LRCH2: variants seen among roughly 807,000 people sequenced by gnomAD.
LRCH2 encodes leucine rich repeats and calponin homology domain containing 2, also known as leucine-rich repeat and calponin homology domain-containing protein 2.
In LRCH2, 38 loss-of-function variants were observed where a neutral mutation model predicts 68.9. That is an observed-to-expected ratio of 0.55 (90% CI 0.43 to 0.72). The LOEUF (loss-of-function observed/expected upper bound fraction) is 0.72, where lower values mean the gene tolerates loss of function less well. LRCH2 is among the 30% of genes least tolerant of loss of function. LRCH2 has a pLI of 0.00. For synonymous variants in LRCH2, 191 were observed against 208.1 expected, an observed-to-expected ratio of 0.92 and a Z score of 0.71; for missense variants, 528 against 572.9, an observed-to-expected ratio of 0.92 and a Z score of 0.80.
intron 1 of LRCH2, among the ~76,000 whole-genome samples, chrX:115,210,858 G>T (rs983753214): frequency 2.1e-4 from 23 of 111,811 alleles, no homozygotes; most frequent in Non-Finnish European, 3.8e-4. Context: ...GATCATTCTG[G>T]AGCTTTAAGA....
chrX:115,197,967 G>GA (rs1477362122), intron 1 of LRCH2, among the ~76,000 whole-genome samples: 4 of 100,438 alleles, frequency 4.0e-5, no homozygotes, highest in Admixed American at 1.1e-4. Context: ...TTCAGAACTT[G>GA]AAGACAGGTC....
intron 11 of LRCH2, among the ~76,000 whole-genome samples, chrX:115,161,625 T>C (rs2072519761): frequency 1.8e-5 from 2 of 111,228 alleles, no homozygotes; most frequent in Non-Finnish European, 3.8e-5. Flanking sequence ...TTAAATGTAT[T>C]GATTTAATTT....
intron 12 of LRCH2, among the ~76,000 whole-genome samples, chrX:115,153,642 AG>A: frequency 9.0e-6 from 1 of 111,417 alleles, no homozygotes; most frequent in African/African-American, 3.3e-5. Flanking sequence ...AAGGCTAAAA[AG>A]GAAAAAAAAT....
At position 115,170,374 on chromosome X, in the gene LRCH2, C is replaced by T; in HGVS notation, c.923G>A (p.Arg308Lys). The T allele has an allele frequency of 8.5e-7, 1 of 1,177,102 alleles. No individual in the cohort carries two copies. The highest frequency in any genetic ancestry group is 1.1e-6 in the Non-Finnish European group (1 of 877,716). Reference sequence around the variant, plus strand: ...CAGGGAATCTGGTTTCTTATCCATTCTGCAACATGCTTGAATATTTAAGTA... The same window carrying T: ...CAGGGAATCTGGTTTCTTATCCATTTTGCAACATGCTTGAATATTTAAGTA... ...FKYLNIQACC[R>K]MDKKPDSLDL... Residue 308 changes from arginine (R) to lysine (K), a missense_variant, in exon 6 of 21, where the codon AGA becomes AAA. Coordinates refer to ENST00000317135, the MANE Select transcript of LRCH2 (RefSeq NM_020871.4).
intron 14 of LRCH2, among the ~76,000 whole-genome samples, chrX:115,131,255 C>G (rs981244299): frequency 1.2e-5 from 1 of 85,847 alleles, no homozygotes. Context: ...ATCCCTCCCC[C>G]CCCCTCCACA....
At chrX:115,156,135 A>C (rs1226292338) in intron 12 of LRCH2, among the ~76,000 whole-genome samples, 2 of 111,655 alleles carry the variant, frequency 1.8e-5, no homozygotes, top group Non-Finnish European at 3.8e-5. Context: ...AGTCTAATCT[A>C]AATTCAAACC....
chrX:115,229,130 C>A (rs2073137566), intron 1 of LRCH2, among the ~76,000 whole-genome samples: 1 of 111,471 alleles, frequency 9.0e-6, no homozygotes, highest in South Asian at 3.7e-4. Flanking sequence ...ACAAAACACA[C>A]CATACCACAA....
At chrX:115,217,065 C>A (rs1242463651) in intron 1 of LRCH2, among the ~76,000 whole-genome samples, 25 of 111,368 alleles carry the variant, frequency 2.2e-4, no homozygotes, top group Non-Finnish European at 5.7e-5. Flanking sequence ...ACCTGCAGAA[C>A]CCTGAGACTC....
At chrX:115,211,960 T>C (rs2073010525) in intron 1 of LRCH2, among the ~76,000 whole-genome samples, 1 of 112,328 alleles carries the variant, frequency 8.9e-6, no homozygotes, top group Non-Finnish European at 1.9e-5. Context: ...CTTTTCAATA[T>C]TTTTAACCAA....
At chrX:115,177,079 CAG>C (rs1198114611) in intron 5 of LRCH2, among the ~76,000 whole-genome samples, 1 of 70,765 alleles carries the variant, frequency 1.4e-5, no homozygotes, top group Non-Finnish European at 2.5e-5. Context: ...TTTTTAAAGA[CAG>C]AGTCTCACTC....
At chrX:115,143,501 G>T (rs2072356865) in intron 14 of LRCH2, among the ~76,000 whole-genome samples, 1 of 111,240 alleles carries the variant, frequency 9.0e-6, no homozygotes, top group Non-Finnish European at 1.9e-5. Context: ...AGTCTCCCAG[G>T]AAAGAAATGC....
At chrX:115,206,819 G>T (rs983364449) in intron 1 of LRCH2, among the ~76,000 whole-genome samples, 1 of 105,502 alleles carries the variant, frequency 9.5e-6, no homozygotes, top group South Asian at 4.3e-4. Context: ...ATTCTTAGGT[G>T]TTTCAGATTT....
intron 1 of LRCH2, among the ~76,000 whole-genome samples, chrX:115,231,723 T>C (rs1556578555): frequency 8.9e-6 from 1 of 112,217 alleles, no homozygotes; most frequent in African/African-American, 3.2e-5. Context: ...CATCAGATGA[T>C]ATTCATATTT....
At chrX:115,190,981 C>T (rs1556558492) in intron 1 of LRCH2, 21 of 1,150,983 alleles carry the variant, frequency 1.8e-5, no homozygotes, top group African/African-American at 4.0e-5. Context: ...TGAGGAGAAC[C>T]GAGGCCACTC....
intron 20 of LRCH2, among the ~76,000 whole-genome samples, chrX:115,121,315 T>C (rs1384603833): frequency 9.2e-6 from 1 of 108,968 alleles, no homozygotes; most frequent in Non-Finnish European, 1.9e-5. Flanking sequence ...AGATTGAGAG[T>C]AGAAAAAAGA....
chrX:115,190,850 G>A lies in LRCH2; in HGVS notation c.350-2480C>T, dbSNP rs912004716. 30 of 1,154,889 alleles carry A rather than the reference G, an allele frequency of 2.6e-5. No homozygotes were observed. The Middle Eastern group carries it at 7.1e-4, about 27-fold the overall frequency. On this transcript the variant is annotated intron_variant, in intron 1 of 20. Coordinates refer to ENST00000317135, the MANE Select transcript of LRCH2 (RefSeq NM_020871.4). ...AGCGACTGCTGCGGAGGAGGAGGCC[G>A]TTATGAGGAGTACCAAGGCCGCTCG...
intron 20 of LRCH2, among the ~76,000 whole-genome samples, chrX:115,118,192 T>G (rs1465271454): frequency 9.2e-6 from 1 of 108,722 alleles, no homozygotes. Flanking sequence ...AAAAAAAGGG[T>G]TTTTTTTAAC....
In LRCH2 at chrX:115,233,918, C is replaced by T; in HGVS notation, c.124G>A (p.Gly42Ser). The change falls in exon 1 of 21, where the codon GGC becomes AGC. Residue 42 changes from glycine (G) to serine (S), a missense_variant. By Grantham distance (56) the Gly-to-Ser change is moderately conservative. Coordinates refer to ENST00000317135, the MANE Select transcript of LRCH2 (RefSeq NM_020871.4). Reference protein sequence around the residue: ...GGGAGGGGGGGGGTLVVPIPV... With the variant: ...GGGAGGGGGGSGGTLVVPIPV... ...ATGGGGACCACCAGGGTCCCGCCGC[C>T]GCCGCCGCCTCCCCCTCCAGCCCCG... 8.6e-7 allele frequency: 1 copy of T among 1,163,591 alleles called. No individual in the cohort carries two copies. The highest frequency in any genetic ancestry group is 1.9e-5 in the South Asian group (1 of 52,392).
At chrX:115,174,303 A>G (rs1312087476) in intron 5 of LRCH2, among the ~76,000 whole-genome samples, 1 of 110,880 alleles carries the variant, frequency 9.0e-6, no homozygotes, top group African/African-American at 3.3e-5. Context: ...GATATACATT[A>G]GGTCCTCAGT....
Sources: gnomAD v4.1 joint callset for allele counts (sites outside exome capture counted in the v4.1 genomes callset) on GRCh38, gnomAD v4.1.1 for gene constraint, MANE v1.5 for transcripts, NCBI Gene and HGNC (gene_info 2026-07-23, HGNC 2026-07-21) for gene names.